Variants in MAP2 observed in about 807,000 individuals in gnomAD.
The protein encoded by MAP2 is microtubule-associated protein 2.
A neutral mutation model predicts 137.6 loss-of-function variants in MAP2; 14 were observed. The observed-to-expected ratio is 0.10, with a 90% confidence interval of 0.07 to 0.16. The LOEUF is 0.16. MAP2 is among the 10% of genes least tolerant of loss of function. The pLI is 1.00. For missense variants in MAP2, 2,088 were observed against 2,191.5 expected (o/e 0.95, Z 0.94); for synonymous variants, 786 against 782.3 (o/e 1.00, Z -0.08).
At chr2:209,699,260 G>A (rs942589819) in intron 10 of MAP2, among the ~76,000 whole-genome samples, 6 of 152,100 alleles carry the variant, frequency 3.9e-5, no homozygotes, top group African/African-American at 9.7e-5. Context: ...AAAGCATATT[G>A]TAGACAGTTA....
intron 2 of MAP2, among the ~76,000 whole-genome samples, chr2:209,511,252 C>T (rs959221193): frequency 6.6e-6 from 1 of 151,974 alleles, no homozygotes; most frequent in Non-Finnish European, 1.5e-5. Context: ...ATTTTGTATC[C>T]GTTTCTTCTT....
chr2:209,474,174 G>C (rs1706562834), intron 1 of MAP2, among the ~76,000 whole-genome samples: 1 of 152,146 alleles, frequency 6.6e-6, no homozygotes, highest in Non-Finnish European at 1.5e-5. Flanking sequence ...GCCAGGTGTT[G>C]AACCAAAGCA....
chr2:209,605,123 T>C (rs1430132734), intron 3 of MAP2, among the ~76,000 whole-genome samples: 1 of 152,194 alleles, frequency 6.6e-6, no homozygotes, highest in Non-Finnish European at 1.5e-5. Flanking sequence ...AACTAGGCTG[T>C]TTTAGAAAAC....
chr2:209,658,787 G>A (rs559632005), intron 5 of MAP2, among the ~76,000 whole-genome samples: 5 of 152,058 alleles, frequency 3.3e-5, no homozygotes, highest in East Asian at 1.9e-4. Flanking sequence ...GATTACAGGC[G>A]TGAGCCACTG....
intron 2 of MAP2, among the ~76,000 whole-genome samples, chr2:209,514,525 G>T (rs551037943): frequency 6.6e-6 from 1 of 152,044 alleles, no homozygotes; most frequent in South Asian, 2.1e-4. Flanking sequence ...AAATTCATCT[G>T]TAAAAAAGAA....
At chr2:209,600,132 C>G (rs2153457982) in intron 3 of MAP2, among the ~76,000 whole-genome samples, 1 of 152,264 alleles carries the variant, frequency 6.6e-6, no homozygotes, top group Admixed American at 6.5e-5. Flanking sequence ...TTCCTTTACT[C>G]TGCCCCTTTG....
intron 2 of MAP2, among the ~76,000 whole-genome samples, chr2:209,576,900 GAA>G (rs2075450744): frequency 6.6e-6 from 1 of 152,108 alleles, no homozygotes; most frequent in Non-Finnish European, 1.5e-5. Flanking sequence ...AAAAAGAAAA[GAA>G]AAAGAGTGTA....
rs6734077 is a variant in MAP2, at chr2:209,530,686, C to A, written c.-172+23045C>A. On this transcript the variant is annotated intron_variant, in intron 2 of 15. Transcript: ENST00000682079. ...GAACAAATATTTATGAAGTTCCTGG[C>A]AGCATACAAGGTTCTTGATATATAT... Among the ~76,000 whole-genome samples, 819 of 152,230 alleles carry A rather than the reference C, an allele frequency of 5.4e-3. 9 individuals carry two copies. Among genetic ancestry groups the A allele is most frequent in the African/African-American group, 0.019 (792 of 41,530 alleles).
intron 12 of MAP2, 38 bp downstream of exon 12, chr2:209,705,765 T>C (rs1255804215): frequency 1.3e-6 from 2 of 1,566,086 alleles, no homozygotes; most frequent in Admixed American, 1.7e-5. Flanking sequence ...TTTAAGCACT[T>C]TTTAAATCCT....
chr2:209,716,369 G>A (rs1161905106), intron 13 of MAP2, among the ~76,000 whole-genome samples: 1 of 152,214 alleles, frequency 6.6e-6, no homozygotes, highest in Non-Finnish European at 1.5e-5. Flanking sequence ...GAATGATTAT[G>A]AATGTTTTAT....
intron 3 of MAP2, among the ~76,000 whole-genome samples, chr2:209,615,719 G>A (rs990568347): frequency 2.0e-5 from 3 of 152,176 alleles, no homozygotes; most frequent in Non-Finnish European, 2.9e-5. Context: ...ACAGTAAAAA[G>A]CCTGAAAGCC....
At chr2:209,496,921 A>C (rs554253937) in intron 1 of MAP2, among the ~76,000 whole-genome samples, 1 of 152,048 alleles carries the variant, frequency 6.6e-6, no homozygotes, top group East Asian at 1.9e-4. Context: ...CTAGGACTAC[A>C]GGTGTGCACT....
At chr2:209,671,112 T>C (rs922683079) in intron 5 of MAP2, among the ~76,000 whole-genome samples, 1 of 151,864 alleles carries the variant, frequency 6.6e-6, no homozygotes, top group African/African-American at 2.4e-5. Context: ...TTTTAATCGC[T>C]AAATCTTTAG....
At chr2:209,552,032 T>C (rs2069290018) in intron 2 of MAP2, among the ~76,000 whole-genome samples, 1 of 152,202 alleles carries the variant, frequency 6.6e-6, no homozygotes, top group Non-Finnish European at 1.5e-5. Context: ...AATATACTTT[T>C]TGATGTAAGA....
chr2:209,661,725 G>A (rs1349109973), intron 5 of MAP2: 20 of 978,566 alleles, frequency 2.0e-5, no homozygotes, highest in Non-Finnish European at 2.2e-5. Flanking sequence ...TCTCTACTAG[G>A]TGAAGCTGGT....
chr2:209,720,496 G>A (rs1422186584), intron 13 of MAP2, among the ~76,000 whole-genome samples: 2 of 151,984 alleles, frequency 1.3e-5, no homozygotes, highest in Admixed American at 6.6e-5. Context: ...AAAATTAGCC[G>A]GACATGGTGG....
chr2:209,630,250 C>G (rs1439500934), intron 4 of MAP2, among the ~76,000 whole-genome samples: 2 of 151,890 alleles, frequency 1.3e-5, no homozygotes, highest in Non-Finnish European at 2.9e-5. Context: ...AACTAAACAT[C>G]AGCCAGGAAC....
At chr2:209,661,772 C>A (rs965268803) in intron 5 of MAP2, 2 of 770,164 alleles carry the variant, frequency 2.6e-6, no homozygotes, top group Non-Finnish European at 3.2e-6. Flanking sequence ...TTTGGCTTGG[C>A]TTGTTGATGA....
chr2:209,719,852 T>G (rs1262862512), intron 13 of MAP2, among the ~76,000 whole-genome samples: 4 of 152,230 alleles, frequency 2.6e-5, no homozygotes, highest in African/African-American at 9.6e-5. Context: ...GACCCTTATG[T>G]GAATGGAAAG....
Sources: allele counts gnomAD v4.1 joint callset (sites outside exome capture counted in the v4.1 genomes callset), GRCh38; gene constraint gnomAD v4.1.1; transcripts MANE v1.5; gene names NCBI Gene and HGNC (gene_info 2026-07-23, HGNC 2026-07-21).